CEP128: variants seen among roughly 807,000 people sequenced by gnomAD.
The protein encoded by CEP128 is centrosomal protein 128.
CEP128 carries 132 observed loss-of-function variants against 156.7 expected under a neutral mutation model. The observed-to-expected ratio is 0.84, with a 90% CI of 0.73 to 0.97. The LOEUF (loss-of-function observed/expected upper bound fraction) is 0.97, where lower values mean the gene tolerates loss of function less well. Among genes scored for constraint, CEP128 ranks in the 50% least tolerant of loss-of-function variants. The pLI is 0.00. For synonymous variants in CEP128, 469 were observed against 448.9 expected (o/e 1.04, Z -0.57); for missense variants, 1,252 against 1,281.9 (o/e 0.98, Z 0.36).
intron 19 of CEP128, among the ~76,000 whole-genome samples, chr14:80,653,502 A>G (rs1338111739): frequency 6.6e-6 from 1 of 152,114 alleles, no homozygotes; most frequent in Non-Finnish European, 1.5e-5. Flanking sequence ...GCTACACTAA[A>G]CAGATTTTCT....
chr14:80,939,924 C>G (rs1886054381), intron 1 of CEP128, among the ~76,000 whole-genome samples: 1 of 152,180 alleles, frequency 6.6e-6, no homozygotes, highest in Non-Finnish European at 1.5e-5. Flanking sequence ...TACTTCCAAG[C>G]CAGTCTAACA....
At chr14:80,834,617 A>G (rs896081462) in intron 12 of CEP128, among the ~76,000 whole-genome samples, 1 of 152,182 alleles carries the variant, frequency 6.6e-6, no homozygotes, top group East Asian at 1.9e-4. Flanking sequence ...TTCATACCTG[A>G]TAAGTAGCTA....
intron 2 of CEP128, among the ~76,000 whole-genome samples, chr14:80,933,769 T>C (rs1457852369): frequency 6.6e-6 from 1 of 152,158 alleles, no homozygotes; most frequent in East Asian, 1.9e-4. Flanking sequence ...AGTGACTGTA[T>C]CAAAAGCAGT....
chr14:80,826,332 G>A (rs1428208596), intron 13 of CEP128, among the ~76,000 whole-genome samples: 1 of 151,946 alleles, frequency 6.6e-6, no homozygotes, highest in African/African-American at 2.4e-5. Flanking sequence ...AAAATTACTT[G>A]CTATTCAGGT....
chr14:80,880,729 G>A (rs1215657863), intron 8 of CEP128, among the ~76,000 whole-genome samples: 1 of 150,546 alleles, frequency 6.6e-6, no homozygotes, highest in African/African-American at 2.4e-5. Context: ...CGGGCATGGT[G>A]GTGGGCGCCT....
rs1447541006 is a variant in CEP128 at position 80,534,619 on chromosome 14, AT to A, written c.2881-3734del. On this transcript the variant is annotated intron_variant, in intron 21 of 24. Coordinates refer to ENST00000555265, the MANE Select transcript of CEP128 (RefSeq NM_152446.5). ...GGCGGGTGGATCATGAGGTCAGGAG[AT>A]TGAGACCATCCTGGTGAACACGGTG... is the stretch of plus-strand genomic sequence containing the variant. Among the ~76,000 whole-genome samples the A allele has an allele frequency of 1.9e-4, 29 of 152,204 alleles. No individual in the cohort carries two copies. In the East Asian group the frequency reaches 5.6e-3, roughly 29 times the overall value.
chr14:80,710,897 C>G (rs1258989501), intron 19 of CEP128, among the ~76,000 whole-genome samples: 1 of 151,958 alleles, frequency 6.6e-6, no homozygotes, highest in Admixed American at 6.6e-5. Context: ...TCAAATTGTC[C>G]AATAGTTTCC....
chr14:80,604,516 T>A (rs1483877387), intron 19 of CEP128, among the ~76,000 whole-genome samples: 1 of 152,116 alleles, frequency 6.6e-6, no homozygotes, highest in African/African-American at 2.4e-5. Flanking sequence ...CATTGCAACA[T>A]CTCCTAGCAT....
At chr14:80,500,477 AC>A (rs1355597335) in intron 24 of CEP128, among the ~76,000 whole-genome samples, 2 of 152,222 alleles carry the variant, frequency 1.3e-5, no homozygotes, top group Admixed American at 6.5e-5. Flanking sequence ...CTGAGACTTA[AC>A]AAAAAAATTA....
intron 2 of CEP128, among the ~76,000 whole-genome samples, chr14:80,952,770 G>T (rs377156714): frequency 1.3e-5 from 2 of 152,052 alleles, no homozygotes; most frequent in Admixed American, 6.5e-5. Context: ...AAGTACTTAG[G>T]TGAAAAAAAG....
At chr14:80,548,040 T>C (rs1334285665) in intron 21 of CEP128, among the ~76,000 whole-genome samples, 1 of 152,216 alleles carries the variant, frequency 6.6e-6, no homozygotes, top group East Asian at 1.9e-4. Flanking sequence ...CCTCAGGTGA[T>C]CCACCCTCCT....
chr14:80,817,605 G>A lies in CEP128; in HGVS notation c.1209+13538C>T, dbSNP rs113611157. On this transcript the variant is annotated intron_variant, in intron 13 of 24. Transcript: ENST00000555265. ...TATAATAAAAAGCTTACTTGAGGCC[G>A]GGCGCAGTGGCTCACACCTGTAATC... Among the ~76,000 whole-genome samples, 1,387 of 152,204 alleles carry A rather than the reference G, an allele frequency of 9.1e-3. 22 individuals are homozygous for A. Among genetic ancestry groups the A allele is most frequent in the African/African-American group, 0.032 (1,310 of 41,524 alleles).
chr14:80,571,609 T>C (rs2140414701), intron 20 of CEP128, among the ~76,000 whole-genome samples: 1 of 152,342 alleles, frequency 6.6e-6, no homozygotes, highest in East Asian at 1.9e-4. Context: ...GAGATGCTTA[T>C]TAGTCATTTT....
At chr14:80,664,044 A>G (rs1895511749) in intron 19 of CEP128, among the ~76,000 whole-genome samples, 1 of 152,190 alleles carries the variant, frequency 6.6e-6, no homozygotes, top group African/African-American at 2.4e-5. Flanking sequence ...AAAGATACTA[A>G]ATCAATTTTC....
intron 19 of CEP128, among the ~76,000 whole-genome samples, chr14:80,650,518 A>G (rs1412525284): frequency 6.6e-6 from 1 of 152,190 alleles, no homozygotes. Context: ...AAATGCTTCC[A>G]GTTTTTGCCC....
chr14:80,512,317 T>C (rs1888298515), intron 23 of CEP128, among the ~76,000 whole-genome samples: 1 of 152,088 alleles, frequency 6.6e-6, no homozygotes, highest in Non-Finnish European at 1.5e-5. Context: ...CCTTTATCAT[T>C]ATATGATAAC....
intron 4 of CEP128, among the ~76,000 whole-genome samples, chr14:80,907,855 T>C (rs969075723): frequency 6.6e-6 from 1 of 152,032 alleles, no homozygotes; most frequent in African/African-American, 2.4e-5. Flanking sequence ...CTAAACAATA[T>C]TAAAGCTAAA....
chr14:80,527,012 A>T, intron 22 of CEP128, 30 bp from the exon 23 acceptor site: 1 of 1,047,446 alleles, frequency 9.5e-7, no homozygotes, highest in Non-Finnish European at 1.4e-6. Context: ...AAGGGTCTGA[A>T]CTGGTAGATG....
chr14:80,783,181 A>G (rs993283913), intron 15 of CEP128, among the ~76,000 whole-genome samples: 7 of 152,192 alleles, frequency 4.6e-5, no homozygotes, highest in African/African-American at 7.2e-5. Context: ...CAACAAAAAC[A>G]AACTAGATTT....
Sources: gnomAD v4.1 joint callset for allele counts (sites outside exome capture counted in the v4.1 genomes callset) on GRCh38, gnomAD v4.1.1 for gene constraint, MANE v1.5 for transcripts, NCBI Gene and HGNC (gene_info 2026-07-23, HGNC 2026-07-21) for gene names.